The following PLCL1 variants were observed in gnomAD, a reference collection of about 807,000 sequenced individuals.
PLCL1 encodes the protein phospholipase C like 1 (inactive), also known as inactive phospholipase C-like protein 1.
PLCL1 carries 41 observed loss-of-function variants against 84.4 expected under a neutral mutation model. The observed-to-expected ratio is 0.49, with a 90% confidence interval of 0.38 to 0.63. The LOEUF is 0.63. Among genes scored for constraint, PLCL1 ranks in the 30% least tolerant of loss-of-function variants. PLCL1 has a pLI of 0.00. For synonymous variants in PLCL1, 490 were observed against 488.3 expected, an observed-to-expected ratio of 1.00 and a Z score of -0.05; for missense variants, 1,206 against 1,367.8, an observed-to-expected ratio of 0.88 and a Z score of 1.87.
At chr2:197,827,962 G>GTT (rs11423593) in intron 1 of PLCL1, among the ~76,000 whole-genome samples, 2 of 151,884 alleles carry the variant, frequency 1.3e-5, no homozygotes, top group African/African-American at 4.8e-5. Context: ...TAGCAAATAT[G>GTT]TTTTTTATAA....
chr2:197,835,100 G>T lies in PLCL1; in HGVS notation c.240+29761G>T, dbSNP rs141796213. On this transcript the variant is annotated intron_variant, in intron 1 of 5. Coordinates refer to ENST00000428675, the MANE Select transcript of PLCL1 (RefSeq NM_006226.4). ...CACTCATAAGTGTGAGTTGAACAAT[G>T]AGAACACATGGACACAGGGAGGGGA... Among the ~76,000 whole-genome samples the T allele has an allele frequency of 2.3e-3, 348 of 152,270 alleles. 5 individuals carry two copies. Among genetic ancestry groups the T allele is most frequent in the African/African-American group, 8.1e-3 (336 of 41,552 alleles).
At chr2:197,819,883 C>CGTGTGT (rs1559014991) in intron 1 of PLCL1, among the ~76,000 whole-genome samples, 2 of 134,468 alleles carry the variant, frequency 1.5e-5, no homozygotes, top group African/African-American at 6.2e-5. Flanking sequence ...CACTATTATG[C>CGTGTGT]ATGTGTGTGT....
chr2:198,000,487 T>C (rs1024177781), intron 1 of PLCL1, among the ~76,000 whole-genome samples: 12 of 152,122 alleles, frequency 7.9e-5, no homozygotes, highest in African/African-American at 2.9e-4. Context: ...ATTTAGTGAG[T>C]TGAAAGTTGC....
At chr2:197,893,582 G>A (rs954304011) in intron 1 of PLCL1, among the ~76,000 whole-genome samples, 1 of 152,162 alleles carries the variant, frequency 6.6e-6, no homozygotes, top group African/African-American at 2.4e-5. Context: ...ATGTGAGAAG[G>A]CTGAGGCTCA....
At chr2:198,137,571 TGGA>T (rs1694284361) in intron 5 of PLCL1, among the ~76,000 whole-genome samples, 1 of 152,212 alleles carries the variant, frequency 6.6e-6, no homozygotes, top group African/African-American at 2.4e-5. Flanking sequence ...TCTGTAAGAC[TGGA>T]GGAGGATTCT....
chr2:198,140,356 A>T (rs1694355491), intron 5 of PLCL1, among the ~76,000 whole-genome samples: 1 of 152,184 alleles, frequency 6.6e-6, no homozygotes, highest in Non-Finnish European at 1.5e-5. Context: ...AGAATTCTAT[A>T]TATACAAGAA....
Position 198,093,376 on chromosome 2 carries a change from A to G in PLCL1, c.2919+4315A>G, listed in dbSNP as rs532749121. On this transcript the variant is annotated intron_variant, in intron 3 of 5. Transcript: ENST00000428675. ...ATGCAAAATGTAAACAGTAGGGAAA[A>G]CTGGGAGGTGGGGGTAGAGTTAGAG... Among the ~76,000 whole-genome samples, 19 of 152,284 alleles carry G rather than the reference A, an allele frequency of 1.2e-4. No individual in the cohort carries two copies. The South Asian group carries it at 3.9e-3, about 32-fold the overall frequency.
At chr2:197,922,881 G>A (rs1264199240) in intron 1 of PLCL1, among the ~76,000 whole-genome samples, 125 of 121,976 alleles carry the variant, frequency 1.0e-3, no homozygotes, top group East Asian at 4.4e-3. Flanking sequence ...CCTCCCAGAC[G>A]GGGCGGCTGG....
At chr2:198,061,850 C>T (rs1292735376) in intron 1 of PLCL1, among the ~76,000 whole-genome samples, 1 of 152,178 alleles carries the variant, frequency 6.6e-6, no homozygotes, top group Non-Finnish European at 1.5e-5. Context: ...CTGCCTGCCT[C>T]AGCCTCCCAA....
intron 1 of PLCL1, among the ~76,000 whole-genome samples, chr2:197,810,526 C>A (rs908587825): frequency 1.3e-5 from 2 of 152,164 alleles, no homozygotes; most frequent in Non-Finnish European, 2.9e-5. Context: ...CAACCTTTCC[C>A]TTTTTACAAT....
In PLCL1 at chr2:198,146,977, G is replaced by A. The variant is rs764023079; in HGVS notation, c.*15G>A. ...GGAAGCTGTGACTCTGGGCATTATCGACACGTTCACCCATCTTATCAAGGA... is the reference window on the plus strand; with the variant it reads ...GGAAGCTGTGACTCTGGGCATTATCAACACGTTCACCCATCTTATCAAGGA... On this transcript the variant is annotated 3_prime_UTR_variant, in exon 6 of 6. Coordinates refer to ENST00000428675, the MANE Select transcript of PLCL1 (RefSeq NM_006226.4). 1.7e-5 allele frequency: 27 copies of A among 1,569,606 alleles called. No homozygotes were observed. The highest frequency in any genetic ancestry group is 2.3e-5 in the East Asian group (1 of 43,932).
At chr2:197,963,044 C>T (rs1233137329) in intron 1 of PLCL1, among the ~76,000 whole-genome samples, 3 of 152,038 alleles carry the variant, frequency 2.0e-5, no homozygotes, top group Admixed American at 1.3e-4. Flanking sequence ...CATGGGAGTA[C>T]AGATATCTCT....
chr2:197,965,746 C>T (rs1186848100), intron 1 of PLCL1, among the ~76,000 whole-genome samples: 1 of 152,106 alleles, frequency 6.6e-6, no homozygotes, highest in African/African-American at 2.4e-5. Context: ...GTTGTGTTTC[C>T]AATATCACTT....
intron 1 of PLCL1, chr2:198,001,861 TTGTGAACTGTGCG>T (rs1248173265): frequency 3.9e-6 from 1 of 257,506 alleles, no homozygotes; most frequent in Non-Finnish European, 7.9e-6. Flanking sequence ...CGAAACCCTA[TTGTGAACTGTGCG>T]TGTGAGGGAT....
chr2:197,961,810 C>T (rs190555034), intron 1 of PLCL1, among the ~76,000 whole-genome samples: 56 of 152,036 alleles, frequency 3.7e-4, no homozygotes, highest in African/African-American at 1.3e-3. Context: ...GTGCTTTCTC[C>T]TGGAACAAAG....
chr2:197,994,120 T>C (rs989909621), intron 1 of PLCL1, among the ~76,000 whole-genome samples: 1 of 152,070 alleles, frequency 6.6e-6, no homozygotes, highest in African/African-American at 2.4e-5. Flanking sequence ...AGGCTTGAGG[T>C]GAGGGACAAA....
intron 1 of PLCL1, among the ~76,000 whole-genome samples, chr2:198,044,594 A>G (rs185167697): frequency 8.9e-4 from 136 of 152,324 alleles, no homozygotes; most frequent in African/African-American, 3.1e-3. Context: ...CCAAAACCAT[A>G]GGGGTTTCAA....
chr2:198,088,156 TTATAGA>T (rs1692932537), intron 2 of PLCL1, among the ~76,000 whole-genome samples: 1 of 152,142 alleles, frequency 6.6e-6, no homozygotes, highest in South Asian at 2.1e-4. Context: ...CATAGAAGTG[TTATAGA>T]TAAAGTGTAT....
chr2:198,084,465 G>T lies in PLCL1; in HGVS notation c.948G>T (p.Val316=), dbSNP rs545214147. 29 of 1,613,862 alleles carry T rather than the reference G, an allele frequency of 1.8e-5. No homozygotes were observed. The South Asian group carries it at 3.1e-4, about 17-fold the overall frequency. The stretch of plus-strand genomic sequence containing the variant: ...GTGAACTTTGCACCAGGCCAGAAGT[G>T]TATTTCTTACTTGTACAGATATCTA... The part of the protein sequence containing the change: ...AFCELCTRPE[V]YFLLVQISKN... Residue 316 remains valine, a synonymous_variant, in exon 2 of 6, where the codon GTG becomes GTT. Transcript: ENST00000428675.
Sources: allele counts gnomAD v4.1 joint callset (sites outside exome capture counted in the v4.1 genomes callset), GRCh38; gene constraint gnomAD v4.1.1; transcripts MANE v1.5; gene names NCBI Gene and HGNC (gene_info 2026-07-23, HGNC 2026-07-21).